Variants in ERICH6 observed in about 807,000 individuals in gnomAD.
ERICH6 encodes glutamate rich 6.
A neutral mutation model predicts 71.0 loss-of-function variants in ERICH6; 71 were observed. The ratio of observed to expected loss-of-function variants is 1.00; its 90% confidence interval spans 0.83 to 1.22. ERICH6 has a LOEUF of 1.22. Among genes scored for constraint, ERICH6 ranks in the 50% most tolerant of loss-of-function variants. The pLI is 0.00. For missense variants in ERICH6, 808 were observed against 797.2 expected (o/e 1.01, Z -0.16); for synonymous variants, 262 against 278.4 (o/e 0.94, Z 0.59).
rs770361826 is a variant in ERICH6 at position 150,672,264 on chromosome 3, C to CATACATATATATATATATATATAT, written c.1343+1691_1343+1692insATATATATATATATATATATGTAT. Among the ~76,000 whole-genome samples, 38 of 123,654 alleles carry CATACATATATATATATATATATAT rather than the reference C, an allele frequency of 3.1e-4. 1 individual carries two copies. The South Asian group carries it at 4.5e-3, about 15-fold the overall frequency. The allele number at this position is 123,654 out of a possible 152,430, so 81.1% of individuals were successfully genotyped here. A position where few individuals can be genotyped will look rare whatever the true frequency, so the allele number is the denominator to read the frequency against. ...TAAACAAAGAATCCATTTATATATA[C>CATACATATATATATATATATATAT]ATATATATATATATGCTCATACACA... On this transcript the variant is annotated intron_variant, in intron 11 of 13. Coordinates refer to ENST00000295910, the MANE Select transcript of ERICH6 (RefSeq NM_152394.5).
chr3:150,672,264 C>CATATATATATATATATATATATATATAT (rs57492414), intron 11 of ERICH6, among the ~76,000 whole-genome samples: 1,738 of 123,024 alleles, frequency 0.014, 84 homozygotes, highest in African/African-American at 0.033. Context: ...TTTATATATA[C>CATATATATATATATATATATATATATAT]ATATATATAT....
At chr3:150,696,562 C>T (rs1176243170) in intron 3 of ERICH6, among the ~76,000 whole-genome samples, 1 of 151,544 alleles carries the variant, frequency 6.6e-6, no homozygotes, top group Non-Finnish European at 1.5e-5. Context: ...TAAAAAGCTG[C>T]CAAAAAATAA....
intron 3 of ERICH6, among the ~76,000 whole-genome samples, chr3:150,690,326 T>C (rs1002727577): frequency 6.6e-6 from 1 of 152,170 alleles, no homozygotes; most frequent in Non-Finnish European, 1.5e-5. Context: ...TCCTTTAATA[T>C]GCAAATTTAA....
At chr3:150,699,717 T>TAAAAA (rs1178685062) in intron 2 of ERICH6, among the ~76,000 whole-genome samples, 1 of 111,506 alleles carries the variant, frequency 9.0e-6, no homozygotes, top group African/African-American at 3.4e-5. Context: ...CTCAAAGAGA[T>TAAAAA]AAAAACAAAA....
rs13064394 is a variant in ERICH6 at position 150,669,432 on chromosome 3, C to T, written c.1363G>A (p.Ala455Thr). The T allele has an allele frequency of 1.2e-6, 2 of 1,613,474 alleles. No homozygotes were observed. The highest frequency in any genetic ancestry group is 3.3e-5 in the Admixed American group (2 of 59,884). ...TQIFYPSGNL[A>T]IIRVPNKVNG... ...ACCTTGTTGGGCACTCGAATGATGGCTAGGTTTCCAGATGGATAGCTGAGA... is the reference window on the plus strand; with the variant it reads ...ACCTTGTTGGGCACTCGAATGATGGTTAGGTTTCCAGATGGATAGCTGAGA... Residue 455 changes from alanine (A) to threonine (T), a missense_variant, in exon 12 of 14, where the codon GCC becomes ACC. By Grantham distance (58) the Ala-to-Thr change is moderately conservative. Around this residue, in one of 3 missense-constraint regions of ERICH6, gnomAD observed 736 missense variants for 712.2 expected, o/e 1.03. Transcript: ENST00000295910.
rs1713057373 is a variant in ERICH6, at chr3:150,703,783, T to TCCTCCTCCTCCTCCA, written c.101_115dup (p.Val34_Glu38dup). 1.3e-6 allele frequency: 2 copies of TCCTCCTCCTCCTCCA among 1,589,878 alleles called. No homozygotes were observed. The highest frequency in any genetic ancestry group is 4.6e-5 in the East Asian group (2 of 43,920). On this transcript the variant is annotated inframe_insertion, in exon 1 of 14. Coordinates refer to ENST00000295910, the MANE Select transcript of ERICH6 (RefSeq NM_152394.5). ...CTCTTCCTCCTCCTCCTCCACCTCT[T>TCCTCCTCCTCCTCCA]CCTCCTCCTCCTCCACCTCTTCCTC...
At chr3:150,683,908 G>GC (rs1466891097) in intron 6 of ERICH6, among the ~76,000 whole-genome samples, 1 of 152,230 alleles carries the variant, frequency 6.6e-6, no homozygotes, top group African/African-American at 2.4e-5. Flanking sequence ...TGAAAGACCT[G>GC]CTGAGGAGCA....
chr3:150,697,568 CCT>C (rs1712698945), intron 3 of ERICH6, among the ~76,000 whole-genome samples: 1 of 152,152 alleles, frequency 6.6e-6, no homozygotes, highest in Admixed American at 6.5e-5. Context: ...ATCTTCCTAA[CCT>C]CTGAGTATCA....
intron 6 of ERICH6, among the ~76,000 whole-genome samples, chr3:150,685,435 C>T (rs1267905165): frequency 6.6e-6 from 1 of 152,124 alleles, no homozygotes; most frequent in Non-Finnish European, 1.5e-5. Context: ...CCACCACAAG[C>T]TAGGAAGAGG....
intron 10 of ERICH6, among the ~76,000 whole-genome samples, chr3:150,676,428 G>T (rs1262004111): frequency 6.6e-6 from 1 of 151,826 alleles, no homozygotes; most frequent in Non-Finnish European, 1.5e-5. Flanking sequence ...GTCTTTTCAG[G>T]TCTCTTCTTA....
intron 3 of ERICH6, among the ~76,000 whole-genome samples, chr3:150,688,278 C>T (rs1344077499): frequency 1.3e-5 from 2 of 151,818 alleles, no homozygotes; most frequent in Admixed American, 6.6e-5. Context: ...AATTAATGCA[C>T]AAAGGTTTTT....
intron 2 of ERICH6, among the ~76,000 whole-genome samples, chr3:150,701,636 G>A (rs1178884923): frequency 2.0e-5 from 3 of 152,186 alleles, no homozygotes; most frequent in African/African-American, 7.2e-5. Context: ...GGTTTGGTGT[G>A]AGATTTCAGG....
intron 3 of ERICH6, among the ~76,000 whole-genome samples, chr3:150,690,069 C>T (rs1712363282): frequency 6.6e-6 from 1 of 152,138 alleles, no homozygotes; most frequent in African/African-American, 2.4e-5. Flanking sequence ...GGTCTAGCCT[C>T]ATAATAATTC....
intron 13 of ERICH6, among the ~76,000 whole-genome samples, chr3:150,660,618 A>G (rs189255401): frequency 3.5e-4 from 53 of 152,290 alleles, no homozygotes; most frequent in Admixed American, 3.3e-3. Flanking sequence ...CCAGGAGGCC[A>G]TTCCAAATTA....
chr3:150,682,341 AAAG>A (rs779069581), intron 6 of ERICH6, 25 bp from the exon 7 acceptor site: 1 of 1,574,540 alleles, frequency 6.4e-7, no homozygotes, highest in South Asian at 1.1e-5. Flanking sequence ...GAAAAAAATT[AAAG>A]AAGTCCCCAC....
chr3:150,666,856 T>G lies in ERICH6; in HGVS notation c.1659A>C (p.Gln553His). Reference sequence around the variant, plus strand: ...CTAGAAAAGTTATAGAAATCTTGTCTTGTTCTAAGATGCGGACTCCAATAT... The same window carrying G: ...CTAGAAAAGTTATAGAAATCTTGTCGTGTTCTAAGATGCGGACTCCAATAT... ...NRYIGVRILEQDKISITFLAM... is the reference protein window; with the variant it reads ...NRYIGVRILEHDKISITFLAM... The change falls in exon 13 of 14, where the codon CAA becomes CAC. Residue 553 changes from glutamine (Q) to histidine (H), a missense_variant. By Grantham distance (24) the Gln-to-His change is conservative. Around this residue, in one of 3 missense-constraint regions of ERICH6, gnomAD observed 736 missense variants for 712.2 expected, o/e 1.03. Transcript: ENST00000295910. 1 of 1,614,212 alleles carries G rather than the reference T, an allele frequency of 6.2e-7. No individual in the cohort carries two copies. Among genetic ancestry groups the G allele is most frequent in the African/African-American group, 1.3e-5 (1 of 75,062 alleles).
intron 3 of ERICH6, 39 bp downstream of exon 3, chr3:150,698,751 TC>T: frequency 6.6e-7 from 1 of 1,517,926 alleles, no homozygotes; most frequent in Non-Finnish European, 9.1e-7. Flanking sequence ...CAACATGCAA[TC>T]CCTCCTCCCA....
In ERICH6 at chr3:150,680,556, A is replaced by T. The variant is rs760553714; in HGVS notation, c.1041-18T>A. 6.2e-7 allele frequency: 1 copy of T among 1,613,956 alleles called. No homozygotes were observed. The highest frequency in any genetic ancestry group is 8.5e-7 in the Non-Finnish European group (1 of 1,179,800). ...CCTGTTTCCTACAAAATCAGAAAACATCAGGCATAAATCTGAAATGTGGTT... is the reference window on the plus strand; with the variant it reads ...CCTGTTTCCTACAAAATCAGAAAACTTCAGGCATAAATCTGAAATGTGGTT... On this transcript the variant is annotated intron_variant, in intron 8 of 13. Coordinates refer to ENST00000295910, the MANE Select transcript of ERICH6 (RefSeq NM_152394.5).
intron 7 of ERICH6, among the ~76,000 whole-genome samples, chr3:150,681,788 T>G (rs1243819137): frequency 6.7e-6 from 1 of 149,436 alleles, no homozygotes; most frequent in African/African-American, 2.4e-5. Context: ...TGCGTTTCCC[T>G]GACAGCTAAC....
Sources: allele counts gnomAD v4.1 joint callset (sites outside exome capture counted in the v4.1 genomes callset), GRCh38; gene constraint gnomAD v4.1.1; regional missense constraint gnomAD v4.1.1; transcripts MANE v1.5; gene names NCBI Gene and HGNC (gene_info 2026-07-23, HGNC 2026-07-21).